TBC1D32: variants seen among roughly 807,000 people sequenced by gnomAD.
The protein encoded by TBC1D32 is protein broad-minded.
TBC1D32 carries 151 observed loss-of-function variants against 170.3 expected under a neutral mutation model. The observed-to-expected ratio is 0.89, with a 90% confidence interval of 0.78 to 1.01. TBC1D32 has a LOEUF of 1.01. TBC1D32 is among the 50% of genes least tolerant of loss of function. TBC1D32 has a pLI of 0.00. For synonymous variants in TBC1D32, 498 were observed against 488.0 expected, an observed-to-expected ratio of 1.02 and a Z score of -0.27; for missense variants, 1,464 against 1,457.1, an observed-to-expected ratio of 1.00 and a Z score of -0.08.
intron 30 of TBC1D32, among the ~76,000 whole-genome samples, chr6:121,101,129 T>G (rs189827569): frequency 6.6e-6 from 1 of 152,084 alleles, no homozygotes; most frequent in African/African-American, 2.4e-5. Flanking sequence ...CAGGACCAGA[T>G]GGATTCACAG....
intron 24 of TBC1D32, among the ~76,000 whole-genome samples, chr6:121,133,150 GTTAA>G: frequency 6.6e-6 from 1 of 151,980 alleles, no homozygotes; most frequent in South Asian, 2.1e-4. Flanking sequence ...TCTATTTTAG[GTTAA>G]TTAACCCCAC....
intron 15 of TBC1D32, among the ~76,000 whole-genome samples, chr6:121,265,909 A>G (rs1256189558): frequency 1.3e-5 from 2 of 152,210 alleles, no homozygotes; most frequent in Non-Finnish European, 2.9e-5. Context: ...CTTACACCTT[A>G]TATAAAAATT....
At chr6:121,134,955 C>T (rs961289472) in intron 24 of TBC1D32, among the ~76,000 whole-genome samples, 1 of 144,172 alleles carries the variant, frequency 6.9e-6, no homozygotes, top group Non-Finnish European at 1.5e-5. Context: ...CAGACAGAGA[C>T]AAAGGCCCCC....
chr6:121,226,299 A>C (rs1466581226), intron 20 of TBC1D32, among the ~76,000 whole-genome samples: 1 of 152,156 alleles, frequency 6.6e-6, no homozygotes, highest in Non-Finnish European at 1.5e-5. Context: ...CTTTACTGCA[A>C]TATGGAGAGC....
intron 15 of TBC1D32, among the ~76,000 whole-genome samples, chr6:121,273,393 G>GA (rs1801757946): frequency 7.0e-6 from 1 of 142,286 alleles, no homozygotes; most frequent in South Asian, 2.3e-4. Flanking sequence ...CACAGGGACA[G>GA]AAAACCAAAC....
At chr6:121,149,608 T>G (rs2128233466) in intron 24 of TBC1D32, among the ~76,000 whole-genome samples, 1 of 152,274 alleles carries the variant, frequency 6.6e-6, no homozygotes, top group South Asian at 2.1e-4. Flanking sequence ...TCTGTTCCAT[T>G]GGTCTATATA....
intron 22 of TBC1D32, among the ~76,000 whole-genome samples, chr6:121,196,213 T>C (rs1047837757): frequency 9.9e-5 from 15 of 152,134 alleles, no homozygotes; most frequent in African/African-American, 3.6e-4. Context: ...AACGGGCCCA[T>C]GAACAAAGTG....
chr6:121,151,657 A>G (rs554839859), intron 24 of TBC1D32, among the ~76,000 whole-genome samples: 1 of 152,314 alleles, frequency 6.6e-6, no homozygotes, highest in South Asian at 2.1e-4. Context: ...TAGGTCTCTA[A>G]GAACTTGCTT....
At chr6:121,229,297 T>G (rs139943402) in intron 20 of TBC1D32, among the ~76,000 whole-genome samples, 1 of 152,164 alleles carries the variant, frequency 6.6e-6, no homozygotes, top group Non-Finnish European at 1.5e-5. Flanking sequence ...TCTTTCCCAT[T>G]TTCAAGACTT....
chr6:121,120,835 T>C (rs2128206590), intron 26 of TBC1D32, among the ~76,000 whole-genome samples: 1 of 152,102 alleles, frequency 6.6e-6, no homozygotes. Context: ...TTTCGTTTAA[T>C]AGTATCTTGT....
At chr6:121,253,355 G>A (rs1798540690) in intron 17 of TBC1D32, among the ~76,000 whole-genome samples, 1 of 151,920 alleles carries the variant, frequency 6.6e-6, no homozygotes, top group African/African-American at 2.4e-5. Flanking sequence ...GAAAAAAAAT[G>A]TTCAACATCA....
intron 30 of TBC1D32, among the ~76,000 whole-genome samples, chr6:121,093,575 G>C (rs1287884316): frequency 6.6e-6 from 1 of 152,166 alleles, no homozygotes; most frequent in Non-Finnish European, 1.5e-5. Flanking sequence ...TTTCAGGAGT[G>C]AATGGGAAGT....
intron 4 of TBC1D32, among the ~76,000 whole-genome samples, chr6:121,308,587 T>C (rs1252437993): frequency 6.6e-6 from 1 of 151,798 alleles, no homozygotes; most frequent in East Asian, 1.9e-4. Context: ...TGCTACACCA[T>C]ATTTTCTGGC....
At chr6:121,197,219 CTTAGTATTACCAT>C (rs1239931486) in intron 22 of TBC1D32, among the ~76,000 whole-genome samples, 1 of 152,176 alleles carries the variant, frequency 6.6e-6, no homozygotes, top group Non-Finnish European at 1.5e-5. Flanking sequence ...TAGGGCATCT[CTTAGTATTACCAT>C]GCCCTGTGAT....
Position 121,308,024 on chromosome 6 carries a change from G to T in TBC1D32, c.642C>A (p.Leu214=). The T allele has an allele frequency of 6.2e-7, 1 of 1,613,836 alleles. No individual in the cohort carries two copies. The highest frequency in any genetic ancestry group is 8.5e-7 in the Non-Finnish European group (1 of 1,179,852). ...AAAGAGACACGGTCAGTTTTTCGCA[G>T]AGAGTAGTCCAATTTTCACAGTTGA... The part of the protein sequence containing the change: ...DVLNCENWTT[L]CEKLTVSLSD... Residue 214 remains leucine (L), a synonymous_variant, in exon 5 of 32, where the codon CTC becomes CTA. Transcript: ENST00000398212.
At chr6:121,168,401 T>G (rs905376535) in intron 22 of TBC1D32, among the ~76,000 whole-genome samples, 1 of 126,548 alleles carries the variant, frequency 7.9e-6, no homozygotes, top group Non-Finnish European at 1.7e-5. Flanking sequence ...GATGAGTTCA[T>G]GTCCTTTGTA....
intron 12 of TBC1D32, among the ~76,000 whole-genome samples, chr6:121,284,913 T>C (rs1457555776): frequency 2.0e-5 from 3 of 152,128 alleles, no homozygotes; most frequent in African/African-American, 7.2e-5. Flanking sequence ...GAGTGCTCAT[T>C]ATGCATAGAA....
chr6:121,231,542 T>G (rs1795738362), intron 20 of TBC1D32, among the ~76,000 whole-genome samples: 1 of 152,202 alleles, frequency 6.6e-6, no homozygotes, highest in South Asian at 2.1e-4. Context: ...CCACTGACAG[T>G]GTAAAAGTGT....
intron 22 of TBC1D32, among the ~76,000 whole-genome samples, chr6:121,200,475 G>A (rs1276042084): frequency 1.3e-5 from 2 of 151,620 alleles, no homozygotes; most frequent in Admixed American, 1.3e-4. Context: ...ACTAAAAATG[G>A]TTAAGAAAAG....
Sources: gnomAD v4.1 joint callset for allele counts (sites outside exome capture counted in the v4.1 genomes callset) on GRCh38, gnomAD v4.1.1 for gene constraint, MANE v1.5 for transcripts, NCBI Gene and HGNC (gene_info 2026-07-23, HGNC 2026-07-21) for gene names.